LYN: variants seen among roughly 807,000 people sequenced by gnomAD.
LYN encodes the protein tyrosine-protein kinase Lyn.
LYN carries 12 observed loss-of-function variants against 65.0 expected under a neutral mutation model. The observed-to-expected ratio is 0.18, with a 90% CI of 0.12 to 0.30. The LOEUF is 0.30. Among genes scored for constraint, LYN ranks in the 10% least tolerant of loss-of-function variants. The pLI is 1.00. For missense variants in LYN, 380 were observed against 623.2 expected (o/e 0.61, Z 4.16); for synonymous variants, 222 against 221.2 (o/e 1.00, Z -0.03).
intron 1 of LYN, among the ~76,000 whole-genome samples, chr8:55,887,575 T>TACAC (rs372547745): frequency 0.17 from 16,102 of 93,364 alleles, 1,702 homozygotes; most frequent in Middle Eastern, 0.24. Flanking sequence ...TATATATATA[T>TACAC]ACACACACAC....
intron 8 of LYN, among the ~76,000 whole-genome samples, chr8:55,962,827 G>GCACC (rs761024742): frequency 1.4e-4 from 21 of 152,270 alleles, no homozygotes; most frequent in African/African-American, 4.1e-4. Flanking sequence ...AAGAAGCATG[G>GCACC]CACCTGTCTC....
At chr8:55,923,156 C>T (rs1253339856) in intron 1 of LYN, among the ~76,000 whole-genome samples, 6 of 152,092 alleles carry the variant, frequency 3.9e-5, no homozygotes, top group Non-Finnish European at 8.8e-5. Context: ...GATGGAAATT[C>T]AATAGAATTG....
rs1482796433 is a variant in LYN, at chr8:56,010,293, G to A, written c.*183G>A. ...AATGGGAAAGTATTCTGTACTCTTA[G>A]ATGGATTCTCCACTCAGTTGCAACT... On this transcript the variant is annotated 3_prime_UTR_variant, in exon 13 of 13. Transcript: ENST00000519728. The A allele has an allele frequency of 8.4e-6, 5 of 596,552 alleles. No homozygotes were observed. The Admixed American group carries it at 1.2e-4, about 15-fold the overall frequency. The allele number at this position is 596,552 out of a possible 1,614,324, so 37.0% of individuals were successfully genotyped here. A position where few individuals can be genotyped will look rare whatever the true frequency, so the allele number is the denominator to read the frequency against.
chr8:55,897,035 C>T (rs560167141), intron 1 of LYN, among the ~76,000 whole-genome samples: 7 of 152,208 alleles, frequency 4.6e-5, no homozygotes, highest in African/African-American at 1.2e-4. Flanking sequence ...CCACTGCACC[C>T]GGCCTAAACT....
intron 6 of LYN, 27 bp downstream of exon 6, chr8:55,950,811 A>G (rs748845096): frequency 6.8e-7 from 1 of 1,461,630 alleles, no homozygotes; most frequent in South Asian, 1.1e-5. Context: ...AGCCTCTTTT[A>G]AAACACTATT....
At chr8:55,949,540 A>G (rs1806877413) in intron 4 of LYN, among the ~76,000 whole-genome samples, 1 of 152,254 alleles carries the variant, frequency 6.6e-6, no homozygotes, top group East Asian at 1.9e-4. Context: ...AGTCTTGGAT[A>G]TAAACACTTT....
At chr8:55,909,052 C>CT (rs1805524584) in intron 1 of LYN, among the ~76,000 whole-genome samples, 1 of 93,740 alleles carries the variant, frequency 1.1e-5, no homozygotes, top group South Asian at 3.5e-4. Context: ...CACACACACA[C>CT]CCCACATTTT....
intron 10 of LYN, among the ~76,000 whole-genome samples, chr8:55,987,614 C>T (rs1585669504): frequency 6.6e-6 from 1 of 152,040 alleles, no homozygotes; most frequent in East Asian, 1.9e-4. Context: ...CAGGGTTTCA[C>T]CACATTGGGC....
chr8:55,962,249 G>A (rs972507354), intron 8 of LYN, among the ~76,000 whole-genome samples: 2 of 151,012 alleles, frequency 1.3e-5, no homozygotes, highest in African/African-American at 4.9e-5. Context: ...GTGTGGCTAC[G>A]GTTCATTCAT....
At chr8:55,974,357 T>A (rs1563320368) in intron 10 of LYN, among the ~76,000 whole-genome samples, 1 of 152,182 alleles carries the variant, frequency 6.6e-6, no homozygotes, top group African/African-American at 2.4e-5. Context: ...AAGATGGAGG[T>A]TATGCTCAAG....
intron 1 of LYN, among the ~76,000 whole-genome samples, chr8:55,890,894 G>T (rs1804940498): frequency 6.6e-6 from 1 of 151,662 alleles, no homozygotes. Flanking sequence ...TGCCTGGCTA[G>T]TTTTTTGTAT....
chr8:55,911,660 C>G (rs1805641726), intron 1 of LYN, among the ~76,000 whole-genome samples: 1 of 108,752 alleles, frequency 9.2e-6, no homozygotes. Context: ...TCTGGTAACC[C>G]TGGGGGCAGT....
intron 12 of LYN, among the ~76,000 whole-genome samples, chr8:56,008,997 A>C (rs1346332282): frequency 2.6e-5 from 4 of 152,200 alleles, no homozygotes; most frequent in Non-Finnish European, 5.9e-5. Flanking sequence ...TTAATCCCTA[A>C]GTTTTTAACT....
At chr8:55,921,238 C>T (rs1210528536) in intron 1 of LYN, among the ~76,000 whole-genome samples, 1 of 152,188 alleles carries the variant, frequency 6.6e-6, no homozygotes, top group East Asian at 1.9e-4. Flanking sequence ...CGTGGAATTT[C>T]TAAGTTCACT....
chr8:55,911,098 T>TATATATATATATACACACACACAC (rs1162508957), intron 1 of LYN, among the ~76,000 whole-genome samples: 1 of 11,690 alleles, frequency 8.6e-5, no homozygotes, highest in African/African-American at 3.4e-4. Context: ...TATATATATA[T>TATATATATATATACACACACACAC]ACATACACGT....
chr8:55,969,812 C>G lies in LYN; in HGVS notation c.1050+19C>G. On this transcript the variant is annotated intron_variant, in intron 10 of 12. Transcript: ENST00000519728. ...TGCTCAGGTAACATATTCAAAAAGC[C>G]CCGTGTGCACGTGCATTTGCAAAGA... 6.2e-7 allele frequency: 1 copy of G among 1,610,122 alleles called. No homozygotes were observed. The highest frequency in any genetic ancestry group is 8.5e-7 in the Non-Finnish European group (1 of 1,176,398).
chr8:55,980,596 G>A (rs1160994985), intron 10 of LYN: 1 of 152,216 alleles, frequency 6.6e-6, no homozygotes, highest in African/African-American at 2.4e-5. Context: ...AAGGTATACA[G>A]TCAAATTTGG....
intron 2 of LYN, among the ~76,000 whole-genome samples, chr8:55,946,057 C>G (rs2130483193): frequency 6.6e-6 from 1 of 152,346 alleles, no homozygotes; most frequent in African/African-American, 2.4e-5. Context: ...CCCTGCACAA[C>G]CGATCTGCGG....
chr8:55,959,079 T>C (rs2130508507), intron 8 of LYN, among the ~76,000 whole-genome samples: 1 of 152,362 alleles, frequency 6.6e-6, no homozygotes, highest in South Asian at 2.1e-4. Context: ...CCATTGACCG[T>C]GTGTAAGTGT....
Sources: allele counts gnomAD v4.1 joint callset (sites outside exome capture counted in the v4.1 genomes callset), GRCh38; gene constraint gnomAD v4.1.1; transcripts MANE v1.5; gene names NCBI Gene and HGNC (gene_info 2026-07-23, HGNC 2026-07-21).